The following ADARB1 variants were observed in gnomAD, a reference collection of about 807,000 sequenced individuals.
ADARB1 encodes double-stranded RNA-specific editase 1.
In ADARB1, 10 loss-of-function variants were observed where a neutral mutation model predicts 52.4. The ratio of observed to expected loss-of-function variants is 0.19; its 90% CI spans 0.12 to 0.32. ADARB1 has a LOEUF of 0.32. Among genes scored for constraint, ADARB1 ranks in the 10% least tolerant of loss-of-function variants. The pLI, the probability that ADARB1 is intolerant of heterozygous loss-of-function variation, is 1.00. For missense variants in ADARB1, 643 were observed against 922.3 expected, an observed-to-expected ratio of 0.70 and a Z score of 3.92; for synonymous variants, 349 against 371.1, an observed-to-expected ratio of 0.94 and a Z score of 0.68.
At chr21:45,214,975 T>A (rs1226466103) in intron 9 of ADARB1, among the ~76,000 whole-genome samples, 2 of 152,192 alleles carry the variant, frequency 1.3e-5, no homozygotes, top group Non-Finnish European at 2.9e-5. Context: ...GACATCCTTC[T>A]CTTACATGTC....
chr21:45,213,213 C>G (rs965444600), intron 9 of ADARB1, among the ~76,000 whole-genome samples: 1 of 152,180 alleles, frequency 6.6e-6, no homozygotes, highest in Admixed American at 6.5e-5. Flanking sequence ...ATATCTGATT[C>G]TACTGAACAT....
At chr21:45,199,169 C>T (rs2092494750) in intron 8 of ADARB1, among the ~76,000 whole-genome samples, 1 of 152,220 alleles carries the variant, frequency 6.6e-6, no homozygotes, top group Non-Finnish European at 1.5e-5. Context: ...CCCAGAGAAG[C>T]TCTGGTGGCT....
Position 45,124,787 on chromosome 21 carries a change from ATG to A in ADARB1, c.-219-3586_-219-3585del, listed in dbSNP as rs56113860. On this transcript the variant is annotated intron_variant, in intron 1 of 10. Coordinates refer to ENST00000348831, the MANE Select transcript of ADARB1 (RefSeq NM_001112.4). Reference sequence around the variant, plus strand: ...AAATGGTGTGTGTGTGTGTGTGTGTATGTGTGTGTGTGTGTGTGTGTGTGTGT... The same window carrying A: ...AAATGGTGTGTGTGTGTGTGTGTGTATGTGTGTGTGTGTGTGTGTGTGTGT... Among the ~76,000 whole-genome samples, 832 of 135,766 alleles carry A rather than the reference ATG, an allele frequency of 6.1e-3. 6 individuals carry two copies. Among genetic ancestry groups the A allele is most frequent in the African/African-American group, 0.018 (676 of 36,968 alleles). 89.1% of individuals were successfully genotyped at this position (135,766 alleles called of 152,430 possible).
chr21:45,077,737 A>G (rs2086000774), intron 1 of ADARB1, among the ~76,000 whole-genome samples: 1 of 152,192 alleles, frequency 6.6e-6, no homozygotes. Flanking sequence ...AGGAATTTCT[A>G]AATCTGTAAT....
At chr21:45,158,535 G>A (rs1041619750) in intron 2 of ADARB1, among the ~76,000 whole-genome samples, 2 of 152,168 alleles carry the variant, frequency 1.3e-5, no homozygotes, top group Non-Finnish European at 1.5e-5. Flanking sequence ...CTTTGGTCCT[G>A]TACCAGTGAC....
intron 1 of ADARB1, among the ~76,000 whole-genome samples, chr21:45,096,309 G>T (rs1171114568): frequency 6.6e-6 from 1 of 152,206 alleles, no homozygotes; most frequent in Admixed American, 6.5e-5. Flanking sequence ...GGGAACAGAA[G>T]CGCAAGGGAC....
At chr21:45,134,580 G>A in intron 2 of ADARB1, 3 of 369,306 alleles carry the variant, frequency 8.1e-6, no homozygotes, top group South Asian at 4.1e-5. Flanking sequence ...AGAGGCATAT[G>A]CCTGACAGAG....
intron 1 of ADARB1, among the ~76,000 whole-genome samples, chr21:45,118,998 C>T (rs989733250): frequency 1.6e-4 from 25 of 152,276 alleles, no homozygotes; most frequent in African/African-American, 5.8e-4. Context: ...CATTCACCAC[C>T]AAAAAGTACC....
At chr21:45,116,680 A>T (rs561763985) in intron 1 of ADARB1, among the ~76,000 whole-genome samples, 1 of 152,206 alleles carries the variant, frequency 6.6e-6, no homozygotes, top group Non-Finnish European at 1.5e-5. Context: ...TCACATGGCA[A>T]CAGCAAGGAG....
At chr21:45,179,424 G>A (rs1440941197) in intron 4 of ADARB1, among the ~76,000 whole-genome samples, 1 of 152,222 alleles carries the variant, frequency 6.6e-6, no homozygotes, top group East Asian at 1.9e-4. Context: ...CCAGACAAGT[G>A]TGAAATTGGT....
At chr21:45,143,543 C>T (rs1006616326) in intron 2 of ADARB1, among the ~76,000 whole-genome samples, 6 of 152,192 alleles carry the variant, frequency 3.9e-5, no homozygotes, top group African/African-American at 1.4e-4. Context: ...TAGATTAAAG[C>T]CCGTGTCCAA....
intron 8 of ADARB1, among the ~76,000 whole-genome samples, chr21:45,187,028 A>G (rs995142536): frequency 1.3e-5 from 2 of 152,190 alleles, no homozygotes; most frequent in Admixed American, 1.3e-4. Context: ...CTGATATTTC[A>G]TAAAGATTTT....
chr21:45,171,426 T>A (rs113323779), intron 2 of ADARB1, among the ~76,000 whole-genome samples, 184 bp from the exon 3 acceptor site: 5 of 152,358 alleles, frequency 3.3e-5, no homozygotes, highest in African/African-American at 9.6e-5. Flanking sequence ...TGGACTGGAA[T>A]GTGCCAAGGA....
chr21:45,152,489 G>A (rs940679320), intron 2 of ADARB1: 4 of 234,622 alleles, frequency 1.7e-5, no homozygotes, highest in Admixed American at 1.6e-4. Flanking sequence ...CTCCCTCGTC[G>A]GTAGGGGCTG....
At chr21:45,112,420 C>G (rs2087583189) in intron 1 of ADARB1, among the ~76,000 whole-genome samples, 1 of 152,034 alleles carries the variant, frequency 6.6e-6, no homozygotes, top group Admixed American at 6.6e-5. Flanking sequence ...CTTCCCCTAT[C>G]CCTGGGGCTC....
In ADARB1 at chr21:45,226,540, T is replaced by C. The variant is rs2093061480; in HGVS notation, c.*4343T>C. On this transcript the variant is annotated 3_prime_UTR_variant, in exon 11 of 11. Coordinates refer to ENST00000348831, the MANE Select transcript of ADARB1 (RefSeq NM_001112.4). The stretch of plus-strand genomic sequence containing the variant: ...GACAAAGGATTTGAGATGTTCTCAA[T>C]AAAAAGAAAATGTTTCACTACTCTG... 6.6e-6 allele frequency: 1 copy of C among 152,658 alleles called. No homozygotes were observed. The highest frequency in any genetic ancestry group is 2.1e-4 in the South Asian group (1 of 4,834). 9.5% of individuals were successfully genotyped at this position (152,658 alleles called of 1,614,324 possible).
chr21:45,201,467 A>C (rs1394731407), intron 8 of ADARB1, among the ~76,000 whole-genome samples: 1 of 152,242 alleles, frequency 6.6e-6, no homozygotes, highest in Non-Finnish European at 1.5e-5. Context: ...TGCTGAGTCC[A>C]TAGAGGCTTC....
intron 2 of ADARB1, among the ~76,000 whole-genome samples, chr21:45,159,979 T>C (rs966196879): frequency 6.6e-6 from 1 of 152,274 alleles, no homozygotes; most frequent in African/African-American, 2.4e-5. Flanking sequence ...TATTAAAGCC[T>C]GTTTGCATTT....
intron 2 of ADARB1, among the ~76,000 whole-genome samples, chr21:45,158,905 G>A (rs1297748094): frequency 6.6e-6 from 1 of 152,120 alleles, no homozygotes; most frequent in Non-Finnish European, 1.5e-5. Flanking sequence ...TCAGTCTCCC[G>A]TGGGTCTGCT....
Sources: gnomAD v4.1 joint callset for allele counts (sites outside exome capture counted in the v4.1 genomes callset) on GRCh38, gnomAD v4.1.1 for gene constraint, MANE v1.5 for transcripts, NCBI Gene and HGNC (gene_info 2026-07-23, HGNC 2026-07-21) for gene names.